The following ASIC2 variants were observed in gnomAD, a reference collection of about 807,000 sequenced individuals.
ASIC2 encodes the protein acid sensing ion channel subunit 2.
A neutral mutation model predicts 57.3 loss-of-function variants in ASIC2; 25 were observed. The observed-to-expected ratio is 0.44, with a 90% CI of 0.32 to 0.61. ASIC2 has a LOEUF of 0.61. Ranked by LOEUF, ASIC2 falls within the 20% of genes least tolerant of loss-of-function variation. The probability of loss-of-function intolerance (pLI) is 0.06; values close to 1 mark genes in which losing one functional copy is unlikely to be tolerated. For synonymous variants in ASIC2, 319 were observed against 307.5 expected, an observed-to-expected ratio of 1.04 and a Z score of -0.39; for missense variants, 641 against 738.1, an observed-to-expected ratio of 0.87 and a Z score of 1.52.
intron 7 of ASIC2, among the ~76,000 whole-genome samples, chr17:33,020,133 G>C (rs950320418): frequency 2.0e-5 from 3 of 152,100 alleles, no homozygotes; most frequent in Non-Finnish European, 4.4e-5. Context: ...CAGCCTCCTG[G>C]AGAAAGTGTA....
chr17:33,755,391 C>T (rs1442724630), intron 1 of ASIC2, among the ~76,000 whole-genome samples: 1 of 152,184 alleles, frequency 6.6e-6, no homozygotes, highest in Admixed American at 6.5e-5. Flanking sequence ...CCTCTCAGTT[C>T]CTGATGTGTT....
intron 1 of ASIC2, among the ~76,000 whole-genome samples, chr17:33,538,688 A>G (rs1409446252): frequency 6.6e-6 from 1 of 152,300 alleles, no homozygotes. Context: ...CCCTCTTTGT[A>G]TATCCACATT....
intron 1 of ASIC2, among the ~76,000 whole-genome samples, chr17:33,445,784 C>T (rs527837460): frequency 2.9e-5 from 3 of 104,608 alleles, no homozygotes; most frequent in South Asian, 3.5e-4. Context: ...GCAACAAGAG[C>T]GAAACTCCAT....
chr17:33,398,285 A>T (rs1398591204), intron 1 of ASIC2, among the ~76,000 whole-genome samples: 1 of 152,192 alleles, frequency 6.6e-6, no homozygotes, highest in Non-Finnish European at 1.5e-5. Flanking sequence ...GGAATATAGC[A>T]GGTGCCCACT....
chr17:33,761,045 G>C (rs1044815262), intron 1 of ASIC2, among the ~76,000 whole-genome samples: 5 of 152,150 alleles, frequency 3.3e-5, no homozygotes, highest in African/African-American at 1.2e-4. Context: ...GACACACCTG[G>C]ATGAGTGTGT....
At position 33,013,638 on chromosome 17, in the gene ASIC2, A is replaced by C; in HGVS notation, c.*327T>G. 1 of 344,578 alleles carries C rather than the reference A, an allele frequency of 2.9e-6. No individual in the cohort carries two copies. The highest frequency in any genetic ancestry group is 5.5e-6 in the Non-Finnish European group (1 of 180,828). 21.3% of individuals were successfully genotyped at this position (344,578 alleles called of 1,614,324 possible). Reference sequence around the variant, plus strand: ...GAAACCGCGTGGAGGAGTGTCATGTACAAGACAGACGTGGAGGTGGCGCCA... The same window carrying C: ...GAAACCGCGTGGAGGAGTGTCATGTCCAAGACAGACGTGGAGGTGGCGCCA... On this transcript the variant is annotated 3_prime_UTR_variant, in exon 10 of 10. Transcript: ENST00000225823.
intron 1 of ASIC2, among the ~76,000 whole-genome samples, chr17:34,106,413 A>T (rs534583226): frequency 1.3e-5 from 2 of 152,208 alleles, no homozygotes; most frequent in South Asian, 4.2e-4. Flanking sequence ...ATGATCACAA[A>T]ATGATGATTT....
At chr17:33,604,865 A>G (rs934093628) in intron 1 of ASIC2, among the ~76,000 whole-genome samples, 2 of 152,218 alleles carry the variant, frequency 1.3e-5, no homozygotes, top group Non-Finnish European at 2.9e-5. Context: ...CCTGAGTGGT[A>G]TAATGAGGCT....
intron 1 of ASIC2, among the ~76,000 whole-genome samples, chr17:34,096,816 C>T (rs1054414194): frequency 8.5e-5 from 11 of 129,596 alleles, no homozygotes; most frequent in Non-Finnish European, 1.7e-4. Flanking sequence ...GAGATCATGC[C>T]ACTGCACTCC....
chr17:33,017,014 C>T (rs999550976), intron 8 of ASIC2, among the ~76,000 whole-genome samples: 1 of 152,186 alleles, frequency 6.6e-6, no homozygotes, highest in Admixed American at 6.5e-5. Flanking sequence ...AGAAAGCTTT[C>T]AGAGGCCTCG....
intron 1 of ASIC2, among the ~76,000 whole-genome samples, chr17:33,815,753 G>C (rs1912559585): frequency 6.6e-6 from 1 of 152,198 alleles, no homozygotes. Flanking sequence ...TTTCCATAGA[G>C]AGAATATTAG....
intron 1 of ASIC2, among the ~76,000 whole-genome samples, chr17:33,418,957 TG>T (rs1348765514): frequency 3.7e-5 from 1 of 27,396 alleles, no homozygotes. Flanking sequence ...CTGTCAGGGG[TG>T]GGGGGCTGGG....
chr17:33,980,354 G>A (rs1905568611), intron 1 of ASIC2, among the ~76,000 whole-genome samples: 1 of 152,092 alleles, frequency 6.6e-6, no homozygotes, highest in Admixed American at 6.5e-5. Context: ...CACTTGACCA[G>A]GATCAAAGAA....
intron 1 of ASIC2, among the ~76,000 whole-genome samples, chr17:33,854,240 G>GCATGCAT (rs58282377): frequency 6.6e-6 from 1 of 152,002 alleles, no homozygotes; most frequent in Non-Finnish European, 1.5e-5. Context: ...CTGCACTGTA[G>GCATGCAT]GCATGCATGC....
At chr17:33,106,986 C>T (rs1279529928) in intron 2 of ASIC2, among the ~76,000 whole-genome samples, 1 of 152,198 alleles carries the variant, frequency 6.6e-6, no homozygotes, top group Non-Finnish European at 1.5e-5. Context: ...GGCTGTATCC[C>T]TGCCCCTCCT....
chr17:33,759,357 C>G (rs1910710620), intron 1 of ASIC2, among the ~76,000 whole-genome samples: 1 of 152,150 alleles, frequency 6.6e-6, no homozygotes, highest in East Asian at 1.9e-4. Flanking sequence ...ATGATTACTT[C>G]TAACTTCTTA....
At chr17:33,672,138 T>A (rs1371188837) in intron 1 of ASIC2, among the ~76,000 whole-genome samples, 1 of 152,212 alleles carries the variant, frequency 6.6e-6, no homozygotes, top group Non-Finnish European at 1.5e-5. Flanking sequence ...ATTTTTCTTA[T>A]ACCTTGTCCC....
intron 1 of ASIC2, among the ~76,000 whole-genome samples, chr17:34,131,959 G>C (rs1911983603): frequency 6.6e-6 from 1 of 152,080 alleles, no homozygotes; most frequent in Admixed American, 6.6e-5. Flanking sequence ...CAGTGGGACG[G>C]GGACATTTTG....
rs1424964252 is a variant in ASIC2, at chr17:33,028,390, G to A, written c.990C>T (p.Leu330=). The change falls in exon 4 of 10, where the codon CTC becomes CTT. Residue 330 remains leucine, a splice_region_variant and synonymous_variant. Transcript: ENST00000225823. ...CACCCCACGGTGGGGGCAGGTATGT[G>A]AGCTGCAAGACAGGAAGGAGGGGGC... ...QTFVATQEQR[L]TYLPPPWGEC... is the part of the protein sequence containing the mutation. 1.3e-5 allele frequency: 21 copies of A among 1,613,972 alleles called. No homozygotes were observed. The highest frequency in any genetic ancestry group is 1.8e-5 in the Non-Finnish European group (21 of 1,180,020).
Sources: allele counts gnomAD v4.1 joint callset (sites outside exome capture counted in the v4.1 genomes callset), GRCh38; gene constraint gnomAD v4.1.1; transcripts MANE v1.5; gene names NCBI Gene and HGNC (gene_info 2026-07-23, HGNC 2026-07-21).